The following ZNF224 variants were observed in gnomAD, a reference collection of about 807,000 sequenced individuals.
ZNF224 encodes zinc finger protein 224.
Under a neutral mutation model 10.5 loss-of-function variants are expected in ZNF224, and 8 were observed. That is an observed-to-expected ratio of 0.76 (90% CI 0.45 to 1.37). ZNF224 has a LOEUF of 1.37. Among genes scored for constraint, ZNF224 ranks in the 40% most tolerant of loss-of-function variants. The probability of loss-of-function intolerance (pLI) is 0.00; values close to 1 mark genes in which losing one functional copy is unlikely to be tolerated. For missense variants in ZNF224, 754 were observed against 854.0 expected, an observed-to-expected ratio of 0.88 and a Z score of 1.46; for synonymous variants, 282 against 287.8, an observed-to-expected ratio of 0.98 and a Z score of 0.20.
Position 44,106,399 on chromosome 19 carries a change from A to G in ZNF224, c.239A>G (p.Asp80Gly). The stretch of plus-strand genomic sequence containing the variant: ...TTTTAATTCTGTATTCTGATAGGAG[A>G]CAAGATCCAAACTGAGATGGAGACT... ...TAIQREGNSG[D>G]KIQTEMETVS... Residue 80 changes from aspartate (D) to glycine (G), a missense_variant, in exon 6 of 6, where the codon GAC becomes GGC. Physicochemically the swap from Asp to Gly is moderately conservative, Grantham distance 94. Coordinates refer to ENST00000693561, the MANE Select transcript of ZNF224 (RefSeq NM_001321645.3). The G allele has an allele frequency of 6.2e-7, 1 of 1,614,142 alleles. No homozygotes were observed. The highest frequency in any genetic ancestry group is 8.5e-7 in the Non-Finnish European group (1 of 1,180,016).
In ZNF224 at chr19:44,106,610, C is replaced by A; in HGVS notation, c.450C>A (p.Gly150=). 3.7e-6 allele frequency: 6 copies of A among 1,604,954 alleles called. No individual in the cohort carries two copies. Among genetic ancestry groups the A allele is most frequent in the Non-Finnish European group, 5.1e-6 (6 of 1,175,028 alleles). The change falls in exon 6 of 6, where the codon GGC becomes GGA. Residue 150 remains glycine (G), a synonymous_variant. Coordinates refer to ENST00000693561, the MANE Select transcript of ZNF224 (RefSeq NM_001321645.3). ...ACACAAGACAGAAATCTTCCCAGGG[C>A]AATGGATATAAACCATCCTTCAGTG... is the stretch of plus-strand genomic sequence containing the variant. ...VIHTRQKSSQ[G]NGYKPSFSDV...
chr19:44,106,533 T>C lies in ZNF224; in HGVS notation c.373T>C (p.Ser125Pro), dbSNP rs755787202. ...QDLMINSSQF[S>P]KEGDFPCQTE... ...CTTGATGATAAATAGCTCTCAGTTC[T>C]CCAAAGAAGGTGATTTCCCCTGCCA... The change falls in exon 6 of 6, where the codon TCC becomes CCC. Residue 125 changes from serine to proline, a missense_variant. Physicochemically the swap from Ser to Pro is moderately conservative, Grantham distance 74. Transcript: ENST00000693561. 1.2e-6 allele frequency: 2 copies of C among 1,614,166 alleles called. No individual in the cohort carries two copies. The highest frequency in any genetic ancestry group is 2.2e-5 in the South Asian group (2 of 91,076).
intron 3 of ZNF224, among the ~76,000 whole-genome samples, chr19:44,099,084 G>C (rs1967497123): frequency 6.6e-6 from 1 of 152,204 alleles, no homozygotes; most frequent in Non-Finnish European, 1.5e-5. Flanking sequence ...TTGAAAGAGA[G>C]AGAAAAAGAA....
At position 44,107,312 on chromosome 19, in the gene ZNF224, C is replaced by T. The variant is rs1408817573; in HGVS notation, c.1152C>T (p.Ala384=). 1 of 1,585,022 alleles carries T rather than the reference C, an allele frequency of 6.3e-7. No homozygotes were observed. Among genetic ancestry groups the T allele is most frequent in the East Asian group, 2.2e-5 (1 of 44,666 alleles). ...AGTGTGGGAAGAGCTTCAGATGGGC[C>T]TCGTGTCTTTTGAAACATCAGCGAG... ...CKECGKSFRW[A]SCLLKHQRVH... is the part of the protein sequence containing the mutation. Residue 384 remains alanine, a synonymous_variant, in exon 6 of 6, where the codon GCC becomes GCT. Transcript: ENST00000693561.
chr19:44,108,126 G>A lies in ZNF224; in HGVS notation c.1966G>A (p.Asp656Asn). The change falls in exon 6 of 6, where the codon GAC becomes AAC. Residue 656 changes from aspartate to asparagine, a missense_variant. Physicochemically the swap from Asp to Asn is conservative, Grantham distance 23. Coordinates refer to ENST00000693561, the MANE Select transcript of ZNF224 (RefSeq NM_001321645.3). ...TGTAGAAAAGCCATACAAATGTGAG[G>A]ACTGTGGGAAGGGCTACAACAGGCG... The part of the protein sequence containing the change: ...HSVEKPYKCE[D>N]CGKGYNRRLN... The A allele has an allele frequency of 6.2e-7, 1 of 1,614,188 alleles. No homozygotes were observed.
intron 5 of ZNF224, 33 bp from the exon 6 acceptor site, chr19:44,106,363 T>C: frequency 4.3e-6 from 7 of 1,611,236 alleles, no homozygotes; most frequent in Non-Finnish European, 5.9e-6. Context: ...AAGGCTTCAC[T>C]TGTCCTCATC....
chr19:44,097,934 C>G, intron 3 of ZNF224, 46 bp downstream of exon 3: 1 of 1,607,740 alleles, frequency 6.2e-7, no homozygotes, highest in South Asian at 1.1e-5. Context: ...CCTCTCAGTA[C>G]TTAAATTGTC....
chr19:44,107,520 A>C lies in ZNF224; in HGVS notation c.1360A>C (p.Lys454Gln). 1 of 1,610,318 alleles carries C rather than the reference A, an allele frequency of 6.2e-7. No homozygotes were observed. Among genetic ancestry groups the C allele is most frequent in the Non-Finnish European group, 8.5e-7 (1 of 1,178,448 alleles). ...TCACCAGCGCGTCCATACAGGAGAG[A>C]AACTGTATAATTGTAAGGAATGTGG... ...DFHQRVHTGE[K>Q]LYNCKECGKS... The change falls in exon 6 of 6, where the codon AAA becomes CAA. Residue 454 changes from lysine (K) to glutamine (Q), a missense_variant. Transcript: ENST00000693561.
Position 44,100,901 on chromosome 19 carries a change from A to T in ZNF224, c.116A>T (p.Glu39Val). 1 of 1,614,134 alleles carries T rather than the reference A, an allele frequency of 6.2e-7. No individual in the cohort carries two copies. The highest frequency in any genetic ancestry group is 8.5e-7 in the Non-Finnish European group (1 of 1,179,992). ...AAGCTGTATCGAGATGTGATGCTGG[A>T]GAACTTCAGGAACCTGCTCTCAGTG... ...QRKLYRDVML[E>V]NFRNLLSVGH... Residue 39 changes from glutamate to valine, a missense_variant, in exon 4 of 6, where the codon GAG becomes GTG. Physicochemically the swap from Glu to Val is moderately radical, Grantham distance 121 (BLOSUM62 -2). Coordinates refer to ENST00000693561, the MANE Select transcript of ZNF224 (RefSeq NM_001321645.3).
At chr19:44,106,093 A>C in intron 5 of ZNF224, 1 of 322,362 alleles carries the variant, frequency 3.1e-6, no homozygotes. Context: ...TCCATACTGT[A>C]TTTCATAGAG....
Position 44,108,225 on chromosome 19 carries a change from T to C in ZNF224, c.2065T>C (p.Phe689Leu). Residue 689 changes from phenylalanine (F) to leucine (L), a missense_variant, in exon 6 of 6, where the codon TTT becomes CTT. Coordinates refer to ENST00000693561, the MANE Select transcript of ZNF224 (RefSeq NM_001321645.3). ...GAAGTGTAGGGAGTGTGATATGTGC[T>C]TTAGTCAGGCCTCAAGCCTTCGACT... ...TWKCRECDMC[F>L]SQASSLRLHQ... 6.2e-7 allele frequency: 1 copy of C among 1,614,002 alleles called. No homozygotes were observed. Among genetic ancestry groups the C allele is most frequent in the Non-Finnish European group, 8.5e-7 (1 of 1,179,956 alleles).
intron 3 of ZNF224, among the ~76,000 whole-genome samples, chr19:44,099,356 T>C (rs1196875468): frequency 6.6e-6 from 1 of 152,062 alleles, no homozygotes; most frequent in East Asian, 1.9e-4. Flanking sequence ...AATGTAACAG[T>C]CTAAGGTGAA....
rs1233779945 is a variant in ZNF224 at position 44,107,028 on chromosome 19, T to C, written c.868T>C (p.Cys290Arg). Reference sequence around the variant, plus strand: ...CCATACGGGGGAGAAGCCATTCAAATGTGATATATGTGGTAAGAGCTTCTG... The same window carrying C: ...CCATACGGGGGAGAAGCCATTCAAACGTGATATATGTGGTAAGAGCTTCTG... ...RIHTGEKPFK[C>R]DICGKSFCGR... Residue 290 changes from cysteine to arginine, a missense_variant, in exon 6 of 6, where the codon TGT (cysteine) becomes CGT (arginine). Transcript: ENST00000693561. 2 of 1,604,996 alleles carry C rather than the reference T, an allele frequency of 1.2e-6. No homozygotes were observed.
At position 44,108,214 on chromosome 19, in the gene ZNF224, G is replaced by A. The variant is rs1406748061; in HGVS notation, c.2054G>A (p.Cys685Tyr). ...GAGAAAACATGGAAGTGTAGGGAGTGTGATATGTGCTTTAGTCAGGCCTCA... is the reference window on the plus strand; with the variant it reads ...GAGAAAACATGGAAGTGTAGGGAGTATGATATGTGCTTTAGTCAGGCCTCA... The part of the protein sequence containing the change: ...MGEKTWKCRE[C>Y]DMCFSQASSL... The change falls in exon 6 of 6, where the codon TGT becomes TAT. Residue 685 changes from cysteine (C) to tyrosine (Y), a missense_variant. Cys to Tyr is a radical substitution (Grantham distance 194, BLOSUM62 -2). Transcript: ENST00000693561. 2 of 1,614,200 alleles carry A rather than the reference G, an allele frequency of 1.2e-6. No individual in the cohort carries two copies. The highest frequency in any genetic ancestry group is 1.7e-5 in the Admixed American group (1 of 60,028).
intron 1 of ZNF224, chr19:44,096,014 T>G (rs1454802695): frequency 6.6e-6 from 1 of 152,118 alleles, no homozygotes; most frequent in Non-Finnish European, 1.5e-5. Flanking sequence ...TGTTTCTTTC[T>G]TTTTGTATAT....
In ZNF224 at chr19:44,094,534, T is replaced by G. The variant is rs1281614347; in HGVS notation, c.-158+4T>G. ...GGGGCCTCGTCGGAGAGTAGAGGTT[T>G]GGAGGGGCAAGGGCCGCTGTTTGCG... On this transcript the variant is annotated splice_donor_region_variant and intron_variant, in intron 1 of 5. Transcript: ENST00000693561. 1 of 152,488 alleles carries G rather than the reference T, an allele frequency of 6.6e-6. No individual in the cohort carries two copies. The highest frequency in any genetic ancestry group is 1.9e-4 in the East Asian group (1 of 5,184). The allele number at this position is 152,488 out of a possible 1,614,324, so 9.4% of individuals were successfully genotyped here. A position where few individuals can be genotyped will look rare whatever the true frequency, so the allele number is the denominator to read the frequency against.
At chr19:44,099,413 G>C (rs1967504153) in intron 3 of ZNF224, among the ~76,000 whole-genome samples, 1 of 152,114 alleles carries the variant, frequency 6.6e-6, no homozygotes, top group Non-Finnish European at 1.5e-5. Context: ...TCCAAAATAA[G>C]AATCTTATGC....
At chr19:44,095,335 C>G (rs904964639) in intron 1 of ZNF224, 1 of 152,752 alleles carries the variant, frequency 6.5e-6, no homozygotes, top group African/African-American at 2.4e-5. Flanking sequence ...TTGCTTTTTT[C>G]TATTTTAAAA....
rs993819040 is a variant in ZNF224, at chr19:44,108,485, C to T, written c.*201C>T. The T allele has an allele frequency of 1.6e-6, 1 of 607,434 alleles. No individual in the cohort carries two copies. The highest frequency in any genetic ancestry group is 1.9e-5 in the African/African-American group (1 of 53,948). The allele number at this position is 607,434 out of a possible 1,614,324, so 37.6% of individuals were successfully genotyped here. On this transcript the variant is annotated 3_prime_UTR_variant, in exon 6 of 6. Transcript: ENST00000693561. Reference sequence around the variant, plus strand: ...ACATTTGTTTAAGATAACATCAGTGCTTCAGCCATAGCTCAGCATGCCCCA... The same window carrying T: ...ACATTTGTTTAAGATAACATCAGTGTTTCAGCCATAGCTCAGCATGCCCCA...
Sources: allele counts gnomAD v4.1 joint callset (sites outside exome capture counted in the v4.1 genomes callset), GRCh38; gene constraint gnomAD v4.1.1; transcripts MANE v1.5; gene names NCBI Gene and HGNC (gene_info 2026-07-23, HGNC 2026-07-21).